Variants in PKM observed in about 807,000 individuals in gnomAD.
The protein encoded by PKM is pyruvate kinase M1/2, also known as pyruvate kinase PKM.
Under a neutral mutation model 49.8 loss-of-function variants are expected in PKM, and 18 were observed. The ratio of observed to expected loss-of-function variants is 0.36; its 90% CI spans 0.25 to 0.54. The LOEUF (loss-of-function observed/expected upper bound fraction) is 0.54, where lower values mean the gene tolerates loss of function less well. Among genes scored for constraint, PKM ranks in the 20% least tolerant of loss-of-function variants. The pLI is 0.89. For synonymous variants in PKM, 239 were observed against 261.8 expected, an observed-to-expected ratio of 0.91 and a Z score of 0.84; for missense variants, 508 against 713.8, an observed-to-expected ratio of 0.71 and a Z score of 3.28.
At chr15:72,225,088 ATTTTTT>A (rs59687887) in intron 1 of PKM, among the ~76,000 whole-genome samples, 1 of 116,648 alleles carries the variant, frequency 8.6e-6, no homozygotes, top group African/African-American at 3.2e-5. Flanking sequence ...GGCCCGGCTA[ATTTTTT>A]TTTTTTTTTT....
At chr15:72,224,915 CTTTTTTCTT>C (rs1198992303) in intron 1 of PKM, among the ~76,000 whole-genome samples, 7 of 109,620 alleles carry the variant, frequency 6.4e-5, no homozygotes, top group South Asian at 6.7e-4. Context: ...TCTTTAATTT[CTTTTTTCTT>C]TTTTTTTTTT....
chr15:72,208,140 C>T (rs901598145), intron 6 of PKM, among the ~76,000 whole-genome samples: 3 of 152,188 alleles, frequency 2.0e-5, no homozygotes, highest in Non-Finnish European at 4.4e-5. Context: ...CAGCTGCATT[C>T]TAAGTGAAGA....
Position 72,203,274 on chromosome 15 carries a change from G to A in PKM, c.1141-654C>T, listed in dbSNP as rs1030797185. The A allele has an allele frequency of 5.1e-6, 6 of 1,185,680 alleles. No homozygotes were observed. In the African/African-American group the frequency reaches 9.0e-5, roughly 18 times the overall value. The allele number at this position is 1,185,680 out of a possible 1,614,324, so 73.4% of individuals were successfully genotyped here. On this transcript the variant is annotated intron_variant, in intron 8 of 10. Transcript: ENST00000335181. Reference sequence around the variant, plus strand: ...ACAACACATGGGAAGACAGAATGGGGAATTTATCAGAGAGGAAGGTAACCT... The same window carrying A: ...ACAACACATGGGAAGACAGAATGGGAAATTTATCAGAGAGGAAGGTAACCT...
At chr15:72,212,682 T>C (rs1596760279) in intron 3 of PKM, among the ~76,000 whole-genome samples, 1 of 152,260 alleles carries the variant, frequency 6.6e-6, no homozygotes, top group South Asian at 2.1e-4. Context: ...CAGCTGTGGC[T>C]TTGTTGGGAT....
chr15:72,212,626 A>G (rs377257476), intron 3 of PKM, among the ~76,000 whole-genome samples: 7 of 152,206 alleles, frequency 4.6e-5, no homozygotes, highest in African/African-American at 1.4e-4. Flanking sequence ...AATGTTACCT[A>G]TTATCATCTT....
In PKM at chr15:72,212,867, C is replaced by T. The variant is rs148192520; in HGVS notation, c.247-2389G>A. Among the ~76,000 whole-genome samples, 948 of 152,172 alleles carry T rather than the reference C, an allele frequency of 6.2e-3. 8 individuals are homozygous for T. Among genetic ancestry groups the T allele is most frequent in the African/African-American group, 0.021 (886 of 41,520 alleles). On this transcript the variant is annotated intron_variant, in intron 3 of 10. Coordinates refer to ENST00000335181, the MANE Select transcript of PKM (RefSeq NM_002654.6). ...AGGGGGGATCACAAGGTCAGGAGATCGAGACCATCCTGGCTAACATGGTGA... is the reference window on the plus strand; with the variant it reads ...AGGGGGGATCACAAGGTCAGGAGATTGAGACCATCCTGGCTAACATGGTGA...
Position 72,202,617 on chromosome 15 carries a change from C to A in PKM, c.1144G>T (p.Ala382Ser). 5 of 1,612,588 alleles carry A rather than the reference C, an allele frequency of 3.1e-6. No individual in the cohort carries two copies. Among genetic ancestry groups the A allele is most frequent in the Non-Finnish European group, 4.2e-6 (5 of 1,179,402 alleles). ...LEAVRMQHLI[A>S]REAEAAIYHL... is the part of the protein sequence containing the mutation. ...TAGATGGCAGCCTCTGCCTCACGGG[C>A]AATCTAGGGGAGCAACATCCGTCCA... is the stretch of plus-strand genomic sequence containing the variant. Residue 382 changes from alanine (A) to serine (S), a missense_variant, in exon 9 of 11, where the codon GCC (alanine) becomes TCC (serine). By Grantham distance (99) the Ala-to-Ser change is moderately conservative. Transcript: ENST00000335181. This position sits in a 1 kb window ranked among gnomAD's most constrained non-coding sequence, Gnocchi z 4.5.
Position 72,211,909 on chromosome 15 carries a change from C to T in PKM, c.247-1431G>A, listed in dbSNP as rs551535868. On this transcript the variant is annotated intron_variant, in intron 3 of 10. Transcript: ENST00000335181. Reference sequence around the variant, plus strand: ...GCGGTAACAAGGGCACCTAATTCAGCACTTTCTGGGCCTTGTCCTTTAACC... The same window carrying T: ...GCGGTAACAAGGGCACCTAATTCAGTACTTTCTGGGCCTTGTCCTTTAACC... Among the ~76,000 whole-genome samples the T allele has an allele frequency of 9.2e-5, 14 of 152,062 alleles. 1 individual carries two copies. Among genetic ancestry groups the T allele is most frequent in the African/African-American group, 1.2e-4 (5 of 41,392 alleles).
chr15:72,212,941 A>G (rs2082291550), intron 3 of PKM, among the ~76,000 whole-genome samples: 1 of 151,914 alleles, frequency 6.6e-6, no homozygotes, highest in Non-Finnish European at 1.5e-5. Context: ...CGGGCGTGGT[A>G]GCAGGCGCCT....
At chr15:72,214,193 G>C (rs1437781473) in intron 3 of PKM, among the ~76,000 whole-genome samples, 2 of 152,150 alleles carry the variant, frequency 1.3e-5, no homozygotes, top group African/African-American at 4.8e-5. Flanking sequence ...TTTTATCAGA[G>C]AATGTGTCTG....
chr15:72,208,644 G>T lies in PKM; in HGVS notation c.813C>A (p.Ile271=). The part of the protein sequence containing the change: ...KGKNIKIISK[I]ENHEGVRRFD... ...GCCTCCGAACCCCCTCATGATTCTC[G>T]ATTTTGCTGATAATCTTGATGTTCT... The change falls in exon 6 of 11, where the codon ATC becomes ATA. Residue 271 remains isoleucine (I), a synonymous_variant. Transcript: ENST00000335181. 6.2e-7 allele frequency: 1 copy of T among 1,614,042 alleles called. No homozygotes were observed. The highest frequency in any genetic ancestry group is 8.5e-7 in the Non-Finnish European group (1 of 1,179,998).
chr15:72,213,849 C>A (rs2082314567), intron 3 of PKM, among the ~76,000 whole-genome samples: 1 of 152,170 alleles, frequency 6.6e-6, no homozygotes, highest in East Asian at 1.9e-4. Context: ...AGTTATAAGT[C>A]TTTCTTGACT....
At chr15:72,203,174 A>G in intron 8 of PKM, 2 of 1,613,786 alleles carry the variant, frequency 1.2e-6, no homozygotes, top group South Asian at 2.2e-5. Context: ...TGGCTGCCTC[A>G]GCCTCACGAG....
chr15:72,202,854 C>A lies in PKM; in HGVS notation c.1141-234G>T. On this transcript the variant is annotated intron_variant, in intron 8 of 10. Coordinates refer to ENST00000335181, the MANE Select transcript of PKM (RefSeq NM_002654.6). This position sits in a 1 kb window ranked among gnomAD's most constrained non-coding sequence, Gnocchi z 4.5. ...TGTGACATCTACTGTGCCTACTGAGCCACAGGACCCTTTGGTCCTGCCCTG... is the reference window on the plus strand; with the variant it reads ...TGTGACATCTACTGTGCCTACTGAGACACAGGACCCTTTGGTCCTGCCCTG... The A allele has an allele frequency of 1.3e-6, 1 of 764,724 alleles. No individual in the cohort carries two copies. 47.4% of individuals were successfully genotyped at this position (764,724 alleles called of 1,614,324 possible).
chr15:72,207,302 G>A (rs1249430539), intron 6 of PKM, 25 bp from the exon 7 acceptor site: 2 of 1,612,642 alleles, frequency 1.2e-6, no homozygotes, highest in Admixed American at 1.7e-5. Context: ...TGGGGGGAGA[G>A]AGGTTATATA....
intron 8 of PKM, chr15:72,206,468 ACT>A: frequency 1.9e-6 from 1 of 532,860 alleles, no homozygotes; most frequent in Non-Finnish European, 3.4e-6. Context: ...AGTGAAATAA[ACT>A]GTGTGGTGTC....
rs2081959540 is a variant in PKM at position 72,202,098 on chromosome 15, G to A, written c.1307+356C>T. 2 of 306,540 alleles carry A rather than the reference G, an allele frequency of 6.5e-6. No individual in the cohort carries two copies. Among genetic ancestry groups the A allele is most frequent in the Non-Finnish European group, 1.3e-5 (2 of 159,496 alleles). The allele number at this position is 306,540 out of a possible 1,614,324, so 19.0% of individuals were successfully genotyped here. Reference sequence around the variant, plus strand: ...TCATTTCCCAACTGAAATTTTTAAAGAGCACATAGTAACTGGAATAAGCAA... The same window carrying A: ...TCATTTCCCAACTGAAATTTTTAAAAAGCACATAGTAACTGGAATAAGCAA... On this transcript the variant is annotated intron_variant, in intron 9 of 10. Transcript: ENST00000335181. The surrounding 1 kb of genome is among the most constrained non-coding windows in gnomAD (Gnocchi z 4.5).
chr15:72,229,635 G>C (rs550947920), intron 1 of PKM: 12 of 1,260,748 alleles, frequency 9.5e-6, no homozygotes, highest in African/African-American at 1.5e-5. Flanking sequence ...GAGACCTTAC[G>C]AGGCTTCCTG....
chr15:72,217,647 T>C (rs2082409864), intron 2 of PKM, 147 bp from the exon 3 acceptor site: 2 of 657,454 alleles, frequency 3.0e-6, no homozygotes, highest in Non-Finnish European at 5.5e-6. Flanking sequence ...CATGGAAGGC[T>C]ACTACCGTGC....
Sources: allele counts gnomAD v4.1 joint callset (sites outside exome capture counted in the v4.1 genomes callset), GRCh38; gene constraint gnomAD v4.1.1; non-coding constraint Gnocchi (gnomAD v3.1); transcripts MANE v1.5; gene names NCBI Gene and HGNC (gene_info 2026-07-23, HGNC 2026-07-21).